LIN7A: variants seen among roughly 807,000 people sequenced by gnomAD.
LIN7A encodes the protein protein lin-7 homolog A.
A neutral mutation model predicts 29.8 loss-of-function variants in LIN7A; 25 were observed. That is an observed-to-expected ratio of 0.84 (90% CI 0.61 to 1.17). The LOEUF is 1.17. Among genes scored for constraint, LIN7A ranks in the 50% most tolerant of loss-of-function variants. The pLI is 0.00. For missense variants in LIN7A, 239 were observed against 287.0 expected, an observed-to-expected ratio of 0.83 and a Z score of 1.21; for synonymous variants, 118 against 107.5, an observed-to-expected ratio of 1.10 and a Z score of -0.60.
intron 4 of LIN7A, among the ~76,000 whole-genome samples, chr12:80,826,816 C>A (rs1387147057): frequency 6.6e-6 from 1 of 152,118 alleles, no homozygotes; most frequent in East Asian, 1.9e-4. Context: ...AGCCACCACC[C>A]CTGGCTGAGT....
At chr12:80,854,730 A>G (rs139279342) in intron 2 of LIN7A, among the ~76,000 whole-genome samples, 6 of 152,108 alleles carry the variant, frequency 3.9e-5, no homozygotes, top group Non-Finnish European at 8.8e-5. Context: ...CACACTAAAA[A>G]GTAGAACTAT....
At chr12:80,862,137 A>G (rs981658244) in intron 2 of LIN7A, among the ~76,000 whole-genome samples, 2 of 152,214 alleles carry the variant, frequency 1.3e-5, no homozygotes, top group Non-Finnish European at 2.9e-5. Flanking sequence ...TGTCTCAACT[A>G]TCACCAAGTC....
chr12:80,872,572 T>C (rs1384739527), intron 2 of LIN7A, among the ~76,000 whole-genome samples: 1 of 152,240 alleles, frequency 6.6e-6, no homozygotes, highest in Non-Finnish European at 1.5e-5. Context: ...TTCATAATTT[T>C]CTAAGACCTT....
At chr12:80,886,714 T>C (rs1875346245) in intron 2 of LIN7A, among the ~76,000 whole-genome samples, 2 of 152,110 alleles carry the variant, frequency 1.3e-5, no homozygotes, top group African/African-American at 4.8e-5. Flanking sequence ...TGTGAAAATG[T>C]CAAACTGTCT....
intron 5 of LIN7A, among the ~76,000 whole-genome samples, chr12:80,804,144 G>GA (rs1394799804): frequency 1.2e-4 from 19 of 152,098 alleles, no homozygotes; most frequent in Non-Finnish European, 2.4e-4. Context: ...TTTTGATACA[G>GA]ACATGCAATG....
At position 80,899,765 on chromosome 12, in the gene LIN7A, C is replaced by CTTTTTTTTTTTTTTTTTTTTTTTTTTTTT. The variant is rs760389788; in HGVS notation, c.83-10397_83-10396insAAAAAAAAAAAAAAAAAAAAAAAAAAAAA. 7.3e-5 allele frequency among the ~76,000 whole-genome samples: 8 copies of CTTTTTTTTTTTTTTTTTTTTTTTTTTTTT among 109,992 alleles called. 4 individuals carry two copies. Among genetic ancestry groups the CTTTTTTTTTTTTTTTTTTTTTTTTTTTTT allele is most frequent in the Non-Finnish European group, 3.9e-5 (2 of 51,268 alleles). 72.2% of individuals were successfully genotyped at this position (109,992 alleles called of 152,430 possible). A position where few individuals can be genotyped will look rare whatever the true frequency, so the allele number is the denominator to read the frequency against. On this transcript the variant is annotated intron_variant, in intron 1 of 5. Transcript: ENST00000552864. ...CATTTCCTCTAGGTTTTCTTTTTTT[C>CTTTTTTTTTTTTTTTTTTTTTTTTTTTTT]TTTTCTTTTTTTTTTTTTTTTGAGA...
At chr12:80,805,921 G>T (rs146471174) in intron 5 of LIN7A, among the ~76,000 whole-genome samples, 2 of 100,888 alleles carry the variant, frequency 2.0e-5, no homozygotes, top group Admixed American at 2.0e-4. Flanking sequence ...CATGTAAGAC[G>T]TGCCTTTCAG....
intron 1 of LIN7A, among the ~76,000 whole-genome samples, chr12:80,919,705 T>C (rs985776814): frequency 8.5e-5 from 13 of 152,158 alleles, no homozygotes; most frequent in Non-Finnish European, 1.5e-4. Context: ...GTTATAGATT[T>C]CCTACCACTG....
rs373675363 is a variant in LIN7A at position 80,930,929 on chromosome 12, G to A, written c.82+6712C>T. 1.9e-4 allele frequency among the ~76,000 whole-genome samples: 29 copies of A among 152,286 alleles called. No homozygotes were observed. In the South Asian group the frequency reaches 3.5e-3, roughly 18 times the overall value. On this transcript the variant is annotated intron_variant, in intron 1 of 5. Coordinates refer to ENST00000552864, the MANE Select transcript of LIN7A (RefSeq NM_004664.4). ...CATTCAATCAACAAATACAAAGAGCGTGCCAACTATGTGCCACACAATGTG... is the reference window on the plus strand; with the variant it reads ...CATTCAATCAACAAATACAAAGAGCATGCCAACTATGTGCCACACAATGTG...
intron 5 of LIN7A, among the ~76,000 whole-genome samples, chr12:80,805,384 G>A (rs1026992700): frequency 5.9e-5 from 9 of 151,936 alleles, no homozygotes; most frequent in African/African-American, 2.2e-4. Context: ...TTAAAGGTAG[G>A]CAAAATAAAG....
intron 2 of LIN7A, among the ~76,000 whole-genome samples, chr12:80,852,431 G>A (rs1258698509): frequency 6.6e-6 from 1 of 152,028 alleles, no homozygotes; most frequent in East Asian, 1.9e-4. Flanking sequence ...TTTTCTACAT[G>A]ACTTCAAGTA....
At chr12:80,853,734 T>C (rs1260868626) in intron 2 of LIN7A, among the ~76,000 whole-genome samples, 1 of 152,076 alleles carries the variant, frequency 6.6e-6, no homozygotes, top group Non-Finnish European at 1.5e-5. Context: ...TCTCACTCTG[T>C]CACCCAGGCT....
chr12:80,933,673 C>T (rs1878043202), intron 1 of LIN7A, among the ~76,000 whole-genome samples: 1 of 152,268 alleles, frequency 6.6e-6, no homozygotes, highest in East Asian at 1.9e-4. Context: ...TCACACTGAC[C>T]TTCCTGGCTG....
At chr12:80,926,419 A>AT (rs910059299) in intron 1 of LIN7A, among the ~76,000 whole-genome samples, 5 of 151,794 alleles carry the variant, frequency 3.3e-5, no homozygotes, top group East Asian at 1.9e-4. Flanking sequence ...TAAGGGATTG[A>AT]TTTTTTTTGG....
At chr12:80,906,901 CAG>C (rs1295206653) in intron 1 of LIN7A, among the ~76,000 whole-genome samples, 1 of 152,084 alleles carries the variant, frequency 6.6e-6, no homozygotes, top group Non-Finnish European at 1.5e-5. Context: ...GTTTTCAGGA[CAG>C]ATAATTAGGA....
At chr12:80,820,130 C>T (rs1211158764) in intron 4 of LIN7A, among the ~76,000 whole-genome samples, 2 of 152,178 alleles carry the variant, frequency 1.3e-5, no homozygotes, top group African/African-American at 2.4e-5. Context: ...AACTGTTCCT[C>T]TCAGTCCCTC....
chr12:80,889,287 T>C lies in LIN7A; in HGVS notation c.165A>G (p.Lys55=). 6.2e-7 allele frequency: 1 copy of C among 1,612,204 alleles called. No individual in the cohort carries two copies. The highest frequency in any genetic ancestry group is 8.5e-7 in the Non-Finnish European group (1 of 1,178,604). The change falls in exon 2 of 6, where the codon AAA becomes AAG. Residue 55 remains lysine (K), a synonymous_variant. Coordinates refer to ENST00000552864, the MANE Select transcript of LIN7A (RefSeq NM_004664.4). ...CTGTACAAAACTCACTCTGAAGCACTTTTTTGAGGGATTGTAGCTTGTGCA... is the reference window on the plus strand; with the variant it reads ...CTGTACAAAACTCACTCTGAAGCACCTTTTTGAGGGATTGTAGCTTGTGCA... The part of the protein sequence containing the change: ...VPVHKLQSLK[K]VLQSEFCTAI...
intron 5 of LIN7A, among the ~76,000 whole-genome samples, chr12:80,798,628 A>G (rs761773076): frequency 9.9e-5 from 15 of 152,138 alleles, no homozygotes; most frequent in Non-Finnish European, 2.1e-4. Context: ...ACTAATGAAA[A>G]TTTATTGAGT....
At position 80,912,886 on chromosome 12, in the gene LIN7A, A is replaced by G. The variant is rs527925517; in HGVS notation, c.83-23517T>C. Among the ~76,000 whole-genome samples, 1,178 of 152,284 alleles carry G rather than the reference A, an allele frequency of 7.7e-3. 12 individuals are homozygous for G. Among genetic ancestry groups the G allele is most frequent in the African/African-American group, 0.026 (1,088 of 41,560 alleles). ...CTCCATACCTGCATAAGCATTTTAGAAATTCTAAAACATTAATTTCATTCA... is the reference window on the plus strand; with the variant it reads ...CTCCATACCTGCATAAGCATTTTAGGAATTCTAAAACATTAATTTCATTCA... On this transcript the variant is annotated intron_variant, in intron 1 of 5. Coordinates refer to ENST00000552864, the MANE Select transcript of LIN7A (RefSeq NM_004664.4).
Sources: gnomAD v4.1 joint callset for allele counts (sites outside exome capture counted in the v4.1 genomes callset) on GRCh38, gnomAD v4.1.1 for gene constraint, MANE v1.5 for transcripts, NCBI Gene and HGNC (gene_info 2026-07-23, HGNC 2026-07-21) for gene names.